Variants in FABP12 observed in about 807,000 individuals in gnomAD.
FABP12 encodes the protein fatty acid-binding protein 12.
A neutral mutation model predicts 13.7 loss-of-function variants in FABP12; 19 were observed. The ratio of observed to expected loss-of-function variants is 1.39; its 90% confidence interval spans 0.97 to 2.04. The LOEUF is 2.04. Ranked by LOEUF, FABP12 falls within the 30% of genes most tolerant of loss-of-function variation. FABP12 has a pLI of 0.00. For missense variants in FABP12, 182 were observed against 164.2 expected (o/e 1.11, Z -0.59); for synonymous variants, 61 against 57.0 (o/e 1.07, Z -0.32).
chr8:81,558,443 C>G (rs1355465186), intron 1 of FABP12, among the ~76,000 whole-genome samples: 1 of 152,162 alleles, frequency 6.6e-6, no homozygotes, highest in Non-Finnish European at 1.5e-5. Context: ...TCCATCTTTC[C>G]TGCACCACAG....
At chr8:81,538,461 A>G (rs943435114), upstream of FABP12, among the ~76,000 whole-genome samples, 2 of 152,248 alleles carry the variant, frequency 1.3e-5, no homozygotes, top group Non-Finnish European at 2.9e-5. Flanking sequence ...ACTGTATTGG[A>G]TTTAGGCAAA....
intron 1 of FABP12, among the ~76,000 whole-genome samples, chr8:81,532,196 C>G (rs1253553336): frequency 6.6e-6 from 1 of 152,170 alleles, no homozygotes; most frequent in African/African-American, 2.4e-5. Flanking sequence ...GAGGGGACTC[C>G]AAATGCTAAG....
intron 1 of FABP12, among the ~76,000 whole-genome samples, chr8:81,570,661 T>C (rs558198029): frequency 7.7e-4 from 117 of 152,230 alleles, no homozygotes; most frequent in African/African-American, 2.7e-3. Flanking sequence ...GGGTGGCTCC[T>C]TTCTGCAGGC....
chr8:81,532,633 C>A (rs1340785408), intron 1 of FABP12, among the ~76,000 whole-genome samples: 3 of 152,154 alleles, frequency 2.0e-5, no homozygotes, highest in Non-Finnish European at 4.4e-5. Context: ...TCAGCCGGGC[C>A]AATATGGTGA....
At chr8:81,526,036 A>G (rs1808891326) in intron 4 of FABP12, 1 of 152,202 alleles carries the variant, frequency 6.6e-6, no homozygotes, top group African/African-American at 2.4e-5. Context: ...CTAATGAACT[A>G]TAAAAGCTTT....
intron 1 of FABP12, among the ~76,000 whole-genome samples, chr8:81,571,683 C>G (rs1054332427): frequency 2.0e-5 from 3 of 152,206 alleles, no homozygotes; most frequent in African/African-American, 7.2e-5. Context: ...TTTTTCAGAA[C>G]ATCATCAATG....
exon 2 of FABP12, chr8:81,531,311 A>G (rs1209318578): frequency 1.3e-6 from 2 of 1,599,560 alleles, no homozygotes; most frequent in Non-Finnish European, 8.5e-7. Flanking sequence ...GAGCTGGTCA[A>G]TCATTCTGTC....
intron 1 of FABP12, among the ~76,000 whole-genome samples, chr8:81,578,777 C>T (rs1282829134): frequency 1.3e-5 from 2 of 149,042 alleles, no homozygotes; most frequent in South Asian, 4.2e-4. Context: ...AGCCACCGCG[C>T]CTGGCCTATT....
intron 1 of FABP12, among the ~76,000 whole-genome samples, chr8:81,583,839 T>C (rs1318542323): frequency 6.6e-6 from 1 of 152,222 alleles, no homozygotes; most frequent in Non-Finnish European, 1.5e-5. Context: ...TGACTCATTA[T>C]ATAAGGCCAG....
intron 1 of FABP12, among the ~76,000 whole-genome samples, chr8:81,554,888 T>C (rs1809583328): frequency 6.6e-6 from 1 of 152,160 alleles, no homozygotes; most frequent in South Asian, 2.1e-4. Context: ...AAAGCCATGC[T>C]AGGTCGTGTG....
At chr8:81,561,970 C>T (rs1353102896) in intron 1 of FABP12, among the ~76,000 whole-genome samples, 2 of 152,174 alleles carry the variant, frequency 1.3e-5, no homozygotes, top group Admixed American at 1.3e-4. Flanking sequence ...TCCAGGGTAT[C>T]CAGAGAAGTG....
intron 1 of FABP12, among the ~76,000 whole-genome samples, chr8:81,548,323 C>T (rs1012070625): frequency 1.3e-5 from 2 of 152,044 alleles, no homozygotes; most frequent in African/African-American, 4.8e-5. Flanking sequence ...GAGGTCACTA[C>T]CCTCAAAACA....
chr8:81,586,363 A>G (rs1360426700), intron 1 of FABP12, among the ~76,000 whole-genome samples: 2 of 152,208 alleles, frequency 1.3e-5, no homozygotes, highest in African/African-American at 4.8e-5. Context: ...ATACCCAGTT[A>G]TGGGATTGCT....
At chr8:81,553,733 G>T (rs564139794) in intron 1 of FABP12, among the ~76,000 whole-genome samples, 43 of 152,216 alleles carry the variant, frequency 2.8e-4, no homozygotes, top group Non-Finnish European at 5.6e-4. Flanking sequence ...TGCTTATTTA[G>T]GTTAAAACCC....
At chr8:81,547,554 A>T (rs1199010934) in intron 1 of FABP12, among the ~76,000 whole-genome samples, 1 of 152,206 alleles carries the variant, frequency 6.6e-6, no homozygotes, top group Non-Finnish European at 1.5e-5. Flanking sequence ...ATTGCAGCAT[A>T]TCCTGTGATT....
At chr8:81,575,745 G>A (rs970544881) in intron 1 of FABP12, among the ~76,000 whole-genome samples, 8 of 152,136 alleles carry the variant, frequency 5.3e-5, no homozygotes, top group African/African-American at 1.9e-4. Flanking sequence ...TTGCTTTAAA[G>A]TTTGTTTTGT....
intron 1 of FABP12, among the ~76,000 whole-genome samples, chr8:81,561,530 T>C (rs1355743470): frequency 2.6e-5 from 4 of 152,148 alleles, no homozygotes; most frequent in Non-Finnish European, 1.5e-5. Context: ...AGGTGAGTGA[T>C]CACAGTATCT....
chr8:81,531,542 A>T (rs1418441057), intron 1 of FABP12, among the ~76,000 whole-genome samples, 152 bp from the exon 2 acceptor site: 3 of 152,228 alleles, frequency 2.0e-5, no homozygotes, highest in Non-Finnish European at 4.4e-5. Flanking sequence ...ATGGAAACAC[A>T]GTAGAGTGTT....
intron 1 of FABP12, among the ~76,000 whole-genome samples, chr8:81,541,516 G>A (rs957952491): frequency 6.6e-6 from 1 of 152,174 alleles, no homozygotes; most frequent in Non-Finnish European, 1.5e-5. Flanking sequence ...AAGTTTCTGA[G>A]CAATTCCCCT....
Sources: gnomAD v4.1 joint callset for allele counts (sites outside exome capture counted in the v4.1 genomes callset) on GRCh38, gnomAD v4.1.1 for gene constraint, MANE v1.5 for transcripts, NCBI Gene and HGNC (gene_info 2026-07-23, HGNC 2026-07-21) for gene names.